GGA2: variants seen among roughly 807,000 people sequenced by gnomAD.
The protein encoded by GGA2 is golgi associated, gamma adaptin ear containing, ARF binding protein 2.
In GGA2, 48 loss-of-function variants were observed where a neutral mutation model predicts 79.5. The observed-to-expected ratio is 0.60, with a 90% CI of 0.48 to 0.77. GGA2 has a LOEUF of 0.77. Among genes scored for constraint, GGA2 ranks in the 30% least tolerant of loss-of-function variants. The probability of loss-of-function intolerance (pLI) is 0.00; values close to 1 mark genes in which losing one functional copy is unlikely to be tolerated. For missense variants in GGA2, 770 were observed against 774.0 expected, an observed-to-expected ratio of 0.99 and a Z score of 0.06; for synonymous variants, 317 against 302.0, an observed-to-expected ratio of 1.05 and a Z score of -0.51.
chr16:23,512,722 T>C (rs1965080435), upstream of GGA2, among the ~76,000 whole-genome samples: 1 of 141,044 alleles, frequency 7.1e-6, no homozygotes, highest in South Asian at 2.4e-4. Context: ...TTTTTTTTTT[T>C]TTTTTTGAGT....
intron 2 of GGA2, 192 bp downstream of exon 2, chr16:23,495,501 CA>C (rs1165313188): frequency 4.1e-5 from 16 of 388,082 alleles, no homozygotes; most frequent in Middle Eastern, 6.7e-4. Context: ...CTCACTCTGT[CA>C]CCCAGGCAGG....
chr16:23,514,598 A>C (rs1367555433), upstream of GGA2, among the ~76,000 whole-genome samples: 1 of 151,916 alleles, frequency 6.6e-6, no homozygotes, highest in Non-Finnish European at 1.5e-5. Context: ...TAACAGGCAC[A>C]CACACCACCG....
chr16:23,524,260 G>A, upstream of GGA2: 1 of 869,114 alleles, frequency 1.2e-6, no homozygotes, highest in African/African-American at 1.7e-5. Context: ...TCCACTCTTA[G>A]TTCCTTCAGC....
chr16:23,483,143 C>T (rs1964670203), intron 8 of GGA2, 139 bp from the exon 9 acceptor site: 1 of 637,880 alleles, frequency 1.6e-6, no homozygotes, highest in Admixed American at 2.7e-5. Flanking sequence ...GACTTAGAGA[C>T]TGCAGTTTTG....
chr16:23,524,181 C>A, upstream of GGA2: 1 of 624,632 alleles, frequency 1.6e-6, no homozygotes, highest in South Asian at 1.9e-5. Context: ...GGTTGGGCTT[C>A]CCCAGCCAAT....
chr16:23,488,170 A>C (rs950857602), intron 6 of GGA2, among the ~76,000 whole-genome samples: 1 of 152,044 alleles, frequency 6.6e-6, no homozygotes, highest in African/African-American at 2.4e-5. Context: ...CCCCACCCCA[A>C]CACCACACCC....
At chr16:23,479,611 G>A (rs750209165) in intron 11 of GGA2, among the ~76,000 whole-genome samples, 154 bp downstream of exon 11, 1 of 150,882 alleles carries the variant, frequency 6.6e-6, no homozygotes, top group East Asian at 2.0e-4. Context: ...TCCCTCAGCA[G>A]CAAGCACGTG....
chr16:23,500,315 A>T (rs1688027738), intron 1 of GGA2, among the ~76,000 whole-genome samples: 1 of 152,244 alleles, frequency 6.6e-6, no homozygotes. Context: ...GAGAGGAGCC[A>T]GGAGCCGAGC....
chr16:23,493,427 T>C lies in GGA2; in HGVS notation c.284A>G (p.Glu95Gly). The C allele has an allele frequency of 6.2e-7, 1 of 1,612,008 alleles. No homozygotes were observed. The highest frequency in any genetic ancestry group is 8.5e-7 in the Non-Finnish European group (1 of 1,178,166). Residue 95 changes from glutamate to glycine, a missense_variant, in exon 4 of 17, where the codon GAG becomes GGG. Transcript: ENST00000309859. Reference sequence around the variant, plus strand: ...TTTGGCCACCTCGCTGTGGAACTTCTCCCCACAGTGGTTCATGCACATCTC... The same window carrying C: ...TTTGGCCACCTCGCTGTGGAACTTCCCCCCACAGTGGTTCATGCACATCTC... ...VLEMCMNHCG[E>G]KFHSEVAKFR... is the part of the protein sequence containing the mutation.
intron 8 of GGA2, among the ~76,000 whole-genome samples, chr16:23,484,070 C>T (rs1964682643): frequency 6.6e-6 from 1 of 151,010 alleles, no homozygotes; most frequent in South Asian, 2.1e-4. Flanking sequence ...AGGTGGATCA[C>T]CTCAGGCCAG....
intron 3 of GGA2, 30 bp from the exon 4 acceptor site, chr16:23,493,488 G>A (rs764480613): frequency 2.1e-6 from 3 of 1,426,518 alleles, no homozygotes; most frequent in South Asian, 2.3e-5. Context: ...CCAGGAGAAG[G>A]TGGAAAGCCA....
chr16:23,504,016 G>C (rs1263315845), intron 1 of GGA2, among the ~76,000 whole-genome samples: 2 of 151,986 alleles, frequency 1.3e-5, no homozygotes, highest in Admixed American at 6.6e-5. Flanking sequence ...GGGAGACGGA[G>C]GTTGCGGTGA....
chr16:23,499,684 G>A lies in GGA2; in HGVS notation c.92-3906C>T, dbSNP rs1424107619. Among the ~76,000 whole-genome samples the A allele has an allele frequency of 5.9e-5, 9 of 152,254 alleles. No homozygotes were observed. The South Asian group carries it at 1.5e-3, about 25-fold the overall frequency. On this transcript the variant is annotated intron_variant, in intron 1 of 16. Coordinates refer to ENST00000309859, the MANE Select transcript of GGA2 (RefSeq NM_015044.4). ...TCACCATGTTAGCCAGGATGGTCTC[G>A]ATCTCCTGACCTCGTGATCCGCCCG...
At chr16:23,484,048 G>C (rs1009418670) in intron 8 of GGA2, among the ~76,000 whole-genome samples, 1 of 151,036 alleles carries the variant, frequency 6.6e-6, no homozygotes, top group African/African-American at 2.4e-5. Flanking sequence ...CAGCACTTCA[G>C]GAGGCCAAGG....
chr16:23,475,546 T>C (rs1387373505), intron 13 of GGA2, among the ~76,000 whole-genome samples: 1 of 151,848 alleles, frequency 6.6e-6, no homozygotes, highest in Non-Finnish European at 1.5e-5. Context: ...ATCTGTTAAA[T>C]GGGAATAACA....
At chr16:23,520,005 G>C (rs957170357) in intron 1 of GGA2, among the ~76,000 whole-genome samples, 2 of 152,180 alleles carry the variant, frequency 1.3e-5, no homozygotes, top group Non-Finnish European at 2.9e-5. Flanking sequence ...CCAGCCCTTT[G>C]GGAGGCCGAG....
At position 23,486,646 on chromosome 16, in the gene GGA2, T is replaced by C. The variant is rs982588916; in HGVS notation, c.660+64A>G. On this transcript the variant is annotated intron_variant, in intron 7 of 16. Coordinates refer to ENST00000309859, the MANE Select transcript of GGA2 (RefSeq NM_015044.4). ...CCTCTACCCCTCAAGCATAGGCTCA[T>C]ATGCACTGTCCTTCAGCCTCTGTCA... 10 of 932,496 alleles carry C rather than the reference T, an allele frequency of 1.1e-5. No homozygotes were observed. In the African/African-American group the frequency reaches 1.3e-4, roughly 12 times the overall value. The allele number at this position is 932,496 out of a possible 1,614,324, so 57.8% of individuals were successfully genotyped here.
intron 4 of GGA2, among the ~76,000 whole-genome samples, chr16:23,492,503 A>C (rs758715738): frequency 1.3e-4 from 20 of 152,176 alleles, no homozygotes; most frequent in Non-Finnish European, 2.5e-4. Flanking sequence ...TCAGATGAAA[A>C]CACTGAAACA....
chr16:23,474,672 A>C (rs943661847), intron 14 of GGA2, among the ~76,000 whole-genome samples: 2 of 151,254 alleles, frequency 1.3e-5, no homozygotes, highest in Non-Finnish European at 2.9e-5. Flanking sequence ...GGCTGGTCTC[A>C]AACTCCTGGC....
Sources: gnomAD v4.1 joint callset for allele counts (sites outside exome capture counted in the v4.1 genomes callset) on GRCh38, gnomAD v4.1.1 for gene constraint, MANE v1.5 for transcripts, NCBI Gene and HGNC (gene_info 2026-07-23, HGNC 2026-07-21) for gene names.